The following GPR39 variants were observed in gnomAD, a reference collection of about 807,000 sequenced individuals.
GPR39 encodes the protein G protein-coupled receptor 39.
Under a neutral mutation model 18.4 loss-of-function variants are expected in GPR39, and 23 were observed. The observed-to-expected ratio is 1.25, with a 90% CI of 0.90 to 1.77. The LOEUF is 1.77. Among genes scored for constraint, GPR39 ranks in the 40% most tolerant of loss-of-function variants. The pLI is 0.00. For synonymous variants in GPR39, 280 were observed against 257.9 expected, an observed-to-expected ratio of 1.09 and a Z score of -0.82; for missense variants, 647 against 602.4, an observed-to-expected ratio of 1.07 and a Z score of -0.78.
chr2:132,419,492 C>T (rs1390264466), intron 1 of GPR39, among the ~76,000 whole-genome samples: 1 of 152,218 alleles, frequency 6.6e-6, no homozygotes. Context: ...GTTGCTGCCT[C>T]TTAGGGCCAG....
At chr2:132,491,248 C>T (rs986309081) in intron 1 of GPR39, among the ~76,000 whole-genome samples, 1 of 152,038 alleles carries the variant, frequency 6.6e-6, no homozygotes, top group African/African-American at 2.4e-5. Flanking sequence ...TTCACAAGTG[C>T]CCAGCTTGAG....
chr2:132,550,752 C>T (rs538823490), intron 1 of GPR39, among the ~76,000 whole-genome samples: 9 of 152,262 alleles, frequency 5.9e-5, no homozygotes, highest in African/African-American at 1.2e-4. Context: ...TTACTCATAG[C>T]GAGAGTTTGA....
chr2:132,458,506 T>TGTGTG (rs1558804350), intron 1 of GPR39, among the ~76,000 whole-genome samples: 1 of 144,520 alleles, frequency 6.9e-6, no homozygotes, highest in African/African-American at 2.6e-5. Flanking sequence ...AAGTGCTTCA[T>TGTGTG]TAAGTTTTTC....
intron 1 of GPR39, among the ~76,000 whole-genome samples, chr2:132,443,798 A>C (rs886686114): frequency 6.6e-6 from 1 of 152,046 alleles, no homozygotes; most frequent in Non-Finnish European, 1.5e-5. Context: ...AGCCAGGCAC[A>C]GTGGCTCAAG....
intron 1 of GPR39, among the ~76,000 whole-genome samples, chr2:132,539,885 A>G (rs771570257): frequency 1.8e-4 from 27 of 152,198 alleles, no homozygotes; most frequent in Admixed American, 1.6e-3. Flanking sequence ...TACGGTTCAC[A>G]TAGGAGGTTT....
chr2:132,643,137 C>G (rs1409741965), intron 1 of GPR39, among the ~76,000 whole-genome samples: 1 of 152,110 alleles, frequency 6.6e-6, no homozygotes, highest in African/African-American at 2.4e-5. Flanking sequence ...TGTTCCTATC[C>G]AGCATCTGTA....
At chr2:132,619,822 CAGACACAG>C (rs1558861145) in intron 1 of GPR39, among the ~76,000 whole-genome samples, 2 of 131,438 alleles carry the variant, frequency 1.5e-5, no homozygotes, top group East Asian at 2.0e-4. Flanking sequence ...CACACAGACA[CAGACACAG>C]ACACACACAC....
intron 1 of GPR39, among the ~76,000 whole-genome samples, chr2:132,624,502 G>A (rs1681507220): frequency 6.6e-6 from 1 of 152,178 alleles, no homozygotes; most frequent in African/African-American, 2.4e-5. Context: ...ACTGAAAAGT[G>A]CACACATTAG....
rs111572995 is a variant in GPR39 at position 132,501,224 on chromosome 2, A to G, written c.856+83326A>G. Among the ~76,000 whole-genome samples, 1,083 of 152,042 alleles carry G rather than the reference A, an allele frequency of 7.1e-3. 14 individuals carry two copies. The highest frequency in any genetic ancestry group is 0.025 in the African/African-American group (1,025 of 41,512). ...TTCAGACTTTTTGATGTAGGCATTT[A>G]ATGCTATGAACTTTCCTCTAGCATG... On this transcript the variant is annotated intron_variant, in intron 1 of 1. Transcript: ENST00000329321.
chr2:132,607,382 TAAG>T (rs1444976847), intron 1 of GPR39, among the ~76,000 whole-genome samples: 1 of 152,226 alleles, frequency 6.6e-6, no homozygotes, highest in East Asian at 1.9e-4. Flanking sequence ...ATTCTTCCCT[TAAG>T]GAGTATGAAA....
At chr2:132,501,054 G>GTTTTTTTTTTTTTTTTTTTGTTTTTTT (rs1679022477) in intron 1 of GPR39, among the ~76,000 whole-genome samples, 1 of 90,324 alleles carries the variant, frequency 1.1e-5, no homozygotes, top group African/African-American at 4.1e-5. Flanking sequence ...TATCTTTTGT[G>GTTTTTTTTTTTTTTTTTTTGTTTTTTT]TTTTTTTTTT....
At chr2:132,560,895 TTTTTG>T (rs964249756) in intron 1 of GPR39, among the ~76,000 whole-genome samples, 3 of 151,188 alleles carry the variant, frequency 2.0e-5, no homozygotes, top group Admixed American at 6.6e-5. Context: ...ATTTTGTTTT[TTTTTG>T]TTTTGTTTTG....
In GPR39 at chr2:132,494,131, G is replaced by A. The variant is rs534414494; in HGVS notation, c.856+76233G>A. ...GGCAGGTCTTTAAGGAACCTTGATT[G>A]TTAAGAGATGGGAGACAAGATACAG... On this transcript the variant is annotated intron_variant, in intron 1 of 1. Coordinates refer to ENST00000329321, the MANE Select transcript of GPR39 (RefSeq NM_001508.3). Among the ~76,000 whole-genome samples the A allele has an allele frequency of 2.6e-5, 4 of 152,152 alleles. No individual in the cohort carries two copies. The South Asian group carries it at 8.3e-4, about 32-fold the overall frequency.
rs1478467663 is a variant in GPR39, at chr2:132,490,016, C to G, written c.856+72118C>G. The stretch of plus-strand genomic sequence containing the variant: ...CACCAGGTAGTCCCCAGGCACCTGG[C>G]ATGTGGCACCGTGCTTGCTCCTGTG... On this transcript the variant is annotated intron_variant, in intron 1 of 1. Transcript: ENST00000329321. Among the ~76,000 whole-genome samples, 16 of 151,746 alleles carry G rather than the reference C, an allele frequency of 1.1e-4. 1 individual carries two copies. The highest frequency in any genetic ancestry group is 1.5e-5 in the Non-Finnish European group (1 of 68,014).
intron 1 of GPR39, among the ~76,000 whole-genome samples, chr2:132,492,081 A>G (rs1681474550): frequency 1.3e-5 from 2 of 150,514 alleles, no homozygotes; most frequent in African/African-American, 4.9e-5. Context: ...ACATATATAT[A>G]CACACCACAT....
At chr2:132,626,479 C>A (rs9677314) in intron 1 of GPR39, among the ~76,000 whole-genome samples, 19,892 of 152,170 alleles carry the variant, frequency 0.13, 1,619 homozygotes, top group Middle Eastern at 0.23. Context: ...AAAAATGTCT[C>A]CCCTGAGGGA....
intron 1 of GPR39, among the ~76,000 whole-genome samples, chr2:132,494,628 C>G (rs1314285990): frequency 6.6e-6 from 1 of 152,130 alleles, no homozygotes; most frequent in African/African-American, 2.4e-5. Context: ...ATGCTTTTCT[C>G]TATGCTGTGG....
intron 1 of GPR39, among the ~76,000 whole-genome samples, chr2:132,547,300 A>C: frequency 6.6e-6 from 1 of 152,192 alleles, no homozygotes; most frequent in Non-Finnish European, 1.5e-5. Flanking sequence ...GGGGGCAGCA[A>C]TGCACGTACA....
At chr2:132,610,523 T>C (rs1469125563) in intron 1 of GPR39, among the ~76,000 whole-genome samples, 2 of 152,106 alleles carry the variant, frequency 1.3e-5, no homozygotes, top group Non-Finnish European at 2.9e-5. Context: ...ACATCTGTAA[T>C]CTTAGCACTT....
Sources: gnomAD v4.1 joint callset for allele counts (sites outside exome capture counted in the v4.1 genomes callset) on GRCh38, gnomAD v4.1.1 for gene constraint, MANE v1.5 for transcripts, NCBI Gene and HGNC (gene_info 2026-07-23, HGNC 2026-07-21) for gene names.